The following PTP4A1 variants were observed in gnomAD, a reference collection of about 807,000 sequenced individuals.
PTP4A1 encodes the protein protein tyrosine phosphatase type IVA 1.
PTP4A1 carries 9 observed loss-of-function variants against 20.5 expected under a neutral mutation model. The observed-to-expected ratio is 0.44, with a 90% confidence interval of 0.26 to 0.77. The LOEUF (loss-of-function observed/expected upper bound fraction) is 0.77, where lower values mean the gene tolerates loss of function less well. Ranked by LOEUF, PTP4A1 falls within the 30% of genes least tolerant of loss-of-function variation. PTP4A1 has a pLI of 0.19. For synonymous variants in PTP4A1, 78 were observed against 67.4 expected (o/e 1.16, Z -0.77); for missense variants, 137 against 218.8 (o/e 0.63, Z 2.36).
At chr6:63,518,303 C>T (rs1246879375), upstream of PTP4A1, among the ~76,000 whole-genome samples, 1 of 152,170 alleles carries the variant, frequency 6.6e-6, no homozygotes, top group East Asian at 1.9e-4. Context: ...AACATCAATT[C>T]TCTTGCTTGT....
intron 3 of PTP4A1, among the ~76,000 whole-genome samples, chr6:63,553,804 A>G (rs1369800600): frequency 6.6e-6 from 1 of 152,198 alleles, no homozygotes; most frequent in Non-Finnish European, 1.5e-5. Flanking sequence ...ACATAACCAA[A>G]CTAAACAAAA....
At chr6:63,528,326 T>C (rs1304443881) in intron 2 of PTP4A1, among the ~76,000 whole-genome samples, 1 of 152,048 alleles carries the variant, frequency 6.6e-6, no homozygotes. Flanking sequence ...CTGGGCACAG[T>C]GGTGTGAACC....
intron 2 of PTP4A1, among the ~76,000 whole-genome samples, chr6:63,542,145 T>C (rs1776008130): frequency 6.6e-6 from 1 of 151,766 alleles, no homozygotes; most frequent in Non-Finnish European, 1.5e-5. Flanking sequence ...CATTGGAGAA[T>C]ACTAGTCTAA....
intron 1 of PTP4A1, among the ~76,000 whole-genome samples, chr6:63,526,632 A>G (rs1035761065): frequency 4.0e-5 from 6 of 151,300 alleles, no homozygotes; most frequent in African/African-American, 1.5e-4. Flanking sequence ...CCATGGTGAA[A>G]CCCTGTCTCT....
At chr6:63,556,133 C>A (rs1246389184) in intron 3 of PTP4A1, among the ~76,000 whole-genome samples, 1 of 152,106 alleles carries the variant, frequency 6.6e-6, no homozygotes, top group Non-Finnish European at 1.5e-5. Context: ...CACCCTAATA[C>A]AAGAAAACAG....
chr6:63,529,815 C>T (rs72880874), intron 2 of PTP4A1, among the ~76,000 whole-genome samples: 324 of 152,126 alleles, frequency 2.1e-3, no homozygotes, highest in Middle Eastern at 6.8e-3. Context: ...TGGCAAAATA[C>T]GTGCGTAAGA....
At chr6:63,546,871 G>A (rs1456062589) in intron 2 of PTP4A1, among the ~76,000 whole-genome samples, 5 of 152,130 alleles carry the variant, frequency 3.3e-5, no homozygotes, top group East Asian at 1.9e-4. Flanking sequence ...TAAAGTGATA[G>A]ATATGTTAAA....
chr6:63,522,652 A>T (rs1311068467), intron 1 of PTP4A1, among the ~76,000 whole-genome samples: 1 of 152,192 alleles, frequency 6.6e-6, no homozygotes, highest in Non-Finnish European at 1.5e-5. Context: ...ATATTTGCTC[A>T]TAAGTTTTTA....
chr6:63,579,046 T>C lies in PTP4A1; in HGVS notation c.329+18T>C, dbSNP rs779706372. 8 of 1,556,624 alleles carry C rather than the reference T, an allele frequency of 5.1e-6. No homozygotes were observed. The highest frequency in any genetic ancestry group is 6.9e-6 in the Non-Finnish European group (8 of 1,157,790). ...CTTGGGAGGTAAATGAATTTATCAA[T>C]TTGATTCTAGGTAAAAATCTATTGA... On this transcript the variant is annotated intron_variant, in intron 4 of 5. Coordinates refer to ENST00000626021, the MANE Select transcript of PTP4A1 (RefSeq NM_003463.5).
intron 2 of PTP4A1, among the ~76,000 whole-genome samples, chr6:63,536,098 G>C (rs1394247044): frequency 6.6e-6 from 1 of 151,796 alleles, no homozygotes; most frequent in Non-Finnish European, 1.5e-5. Flanking sequence ...TTGGGAGGCC[G>C]AGGCCGGTGC....
chr6:63,570,927 C>T (rs1777391002), upstream of PTP4A1: 1 of 152,164 alleles, frequency 6.6e-6, no homozygotes, highest in Non-Finnish European at 1.5e-5. Context: ...ATGAGTTCCC[C>T]AGCCTGCTTA....
intron 2 of PTP4A1, among the ~76,000 whole-genome samples, chr6:63,536,776 TTATTA>T (rs1335162492): frequency 6.6e-6 from 1 of 152,150 alleles, no homozygotes; most frequent in African/African-American, 2.4e-5. Flanking sequence ...AGAAAAGGTT[TTATTA>T]TATTATTTAT....
chr6:63,580,107 A>G lies in PTP4A1; in HGVS notation c.455A>G (p.Tyr152Cys), dbSNP rs1778130012. 6.2e-7 allele frequency: 1 copy of G among 1,613,012 alleles called. No homozygotes were observed. Among genetic ancestry groups the G allele is most frequent in the Non-Finnish European group, 8.5e-7 (1 of 1,179,722 alleles). Residue 152 changes from tyrosine (Y) to cysteine (C), a missense_variant, in exon 6 of 6, where the codon TAT becomes TGT. Transcript: ENST00000626021. The stretch of plus-strand genomic sequence containing the variant: ...AAGCAACTTCTGTATTTGGAGAAGT[A>G]TCGTCCTAAAATGCGGCTGCGTTTC... ...NSKQLLYLEKYRPKMRLRFKD... is the reference protein window; with the variant it reads ...NSKQLLYLEKCRPKMRLRFKD...
intron 3 of PTP4A1, among the ~76,000 whole-genome samples, chr6:63,567,026 T>C (rs1268514839): frequency 6.6e-6 from 1 of 152,232 alleles, no homozygotes; most frequent in African/African-American, 2.4e-5. Flanking sequence ...ATTGCAGCGA[T>C]TTAGTCAACT....
At chr6:63,563,449 A>C (rs1052396813) in intron 3 of PTP4A1, among the ~76,000 whole-genome samples, 4 of 151,680 alleles carry the variant, frequency 2.6e-5, no homozygotes, top group African/African-American at 9.7e-5. Context: ...TCTTTTTGTG[A>C]TTCATTCTCA....
At chr6:63,557,337 A>T (rs942386795) in intron 3 of PTP4A1, among the ~76,000 whole-genome samples, 3 of 152,166 alleles carry the variant, frequency 2.0e-5, no homozygotes, top group African/African-American at 7.2e-5. Flanking sequence ...AGGCCAATGC[A>T]GGTGGATCAC....
intron 3 of PTP4A1, among the ~76,000 whole-genome samples, chr6:63,562,390 C>A (rs1581938396): frequency 1.3e-5 from 2 of 151,946 alleles, no homozygotes; most frequent in Admixed American, 1.3e-4. Context: ...GTAGAGACAG[C>A]GTTTCTCCAT....
At chr6:63,559,608 G>A (rs1213942699) in intron 3 of PTP4A1, among the ~76,000 whole-genome samples, 3 of 152,086 alleles carry the variant, frequency 2.0e-5, no homozygotes, top group Non-Finnish European at 2.9e-5. Context: ...AGCCAGGCAT[G>A]GTGGTGTATG....
At chr6:63,549,638 G>C in intron 2 of PTP4A1, 1 of 473,390 alleles carries the variant, frequency 2.1e-6, no homozygotes, top group Non-Finnish European at 3.7e-6. Flanking sequence ...TACAAAAATG[G>C]AATCCTGTCA....
Sources: gnomAD v4.1 joint callset for allele counts (sites outside exome capture counted in the v4.1 genomes callset) on GRCh38, gnomAD v4.1.1 for gene constraint, MANE v1.5 for transcripts, NCBI Gene and HGNC (gene_info 2026-07-23, HGNC 2026-07-21) for gene names.